The following DEFB123 variants were observed in gnomAD, a reference collection of about 807,000 sequenced individuals.
DEFB123 encodes defensin beta 123.
For synonymous variants in DEFB123, 22 were observed against 28.3 expected (o/e 0.78, Z 0.71); for missense variants, 71 against 75.0 (o/e 0.95, Z 0.20).
intron 1 of DEFB123, among the ~76,000 whole-genome samples, chr20:31,449,302 C>G (rs1321957198): frequency 6.6e-6 from 1 of 151,800 alleles, no homozygotes; most frequent in East Asian, 1.9e-4. Context: ...TTCTTGCATG[C>G]AGCTAAGTTA....
At chr20:31,449,422 C>A (rs1368838141) in intron 1 of DEFB123, among the ~76,000 whole-genome samples, 1 of 152,090 alleles carries the variant, frequency 6.6e-6, no homozygotes, top group Non-Finnish European at 1.5e-5. Context: ...AGGCAATAGC[C>A]TTCCGAGTAC....
At chr20:31,447,009 T>C (rs1222076081) in intron 1 of DEFB123, among the ~76,000 whole-genome samples, 1 of 146,908 alleles carries the variant, frequency 6.8e-6, no homozygotes, top group African/African-American at 2.5e-5. Flanking sequence ...ACACCTGTAA[T>C]CCCAGCACTT....
intron 1 of DEFB123, among the ~76,000 whole-genome samples, chr20:31,442,317 G>A (rs1301501350): frequency 6.6e-6 from 1 of 152,176 alleles, no homozygotes; most frequent in African/African-American, 2.4e-5. Flanking sequence ...TGGTTACAGG[G>A]AAAAGTAACT....
At chr20:31,444,293 A>G (rs1393487020) in intron 1 of DEFB123, among the ~76,000 whole-genome samples, 1 of 149,532 alleles carries the variant, frequency 6.7e-6, no homozygotes, top group Non-Finnish European at 1.5e-5. Flanking sequence ...CTTCCATTAT[A>G]CATCCTCACA....
chr20:31,443,757 T>C (rs1263195621), intron 1 of DEFB123, among the ~76,000 whole-genome samples: 1 of 152,236 alleles, frequency 6.6e-6, no homozygotes, highest in African/African-American at 2.4e-5. Flanking sequence ...CTGCTGCTGC[T>C]GCGGGAGCTG....
In DEFB123 at chr20:31,450,202, T is replaced by C; in HGVS notation, c.*28T>C. The C allele has an allele frequency of 1.3e-6, 2 of 1,585,366 alleles. No homozygotes were observed. The highest frequency in any genetic ancestry group is 1.7e-6 in the Non-Finnish European group (2 of 1,168,910). On this transcript the variant is annotated 3_prime_UTR_variant, in exon 2 of 2. Transcript: ENST00000376309. ...GCTTTGAAGCCTGAAGCCATGAAAA[T>C]GCAGATGAAGCTCCCAGTGGATTCC... is the stretch of plus-strand genomic sequence containing the variant.
At chr20:31,449,767 C>CAAAAAAAAAAAAA (rs59939526) in intron 1 of DEFB123, among the ~76,000 whole-genome samples, 2 of 52,516 alleles carry the variant, frequency 3.8e-5, no homozygotes, top group African/African-American at 5.4e-5. Context: ...AGACTCATCT[C>CAAAAAAAAAAAAA]AAAAAAAAAA....
intron 1 of DEFB123, 45 bp from the exon 2 acceptor site, chr20:31,449,984 C>T (rs1187814379): frequency 2.6e-6 from 4 of 1,535,492 alleles, no homozygotes; most frequent in Non-Finnish European, 3.5e-6. Flanking sequence ...CCGGAGCCTA[C>T]TTGTTAGGAC....
At position 31,450,125 on chromosome 20, in the gene DEFB123, G is replaced by C. The variant is rs369836063; in HGVS notation, c.155G>C (p.Cys52Ser). The C allele has an allele frequency of 6.2e-7, 1 of 1,612,230 alleles. No homozygotes were observed. Among genetic ancestry groups the C allele is most frequent in the Admixed American group, 1.7e-5 (1 of 59,726 alleles). Reference sequence around the variant, plus strand: ...GTTTACTGCATAAATAATAAAATGTGCTGCGTGAAGCCCAAGTACCAGCCA... The same window carrying C: ...GTTTACTGCATAAATAATAAAATGTCCTGCGTGAAGCCCAAGTACCAGCCA... ...VYVYCINNKM[C>S]CVKPKYQPKE... The change falls in exon 2 of 2, where the codon TGC (cysteine) becomes TCC (serine). Residue 52 changes from cysteine (C) to serine (S), a missense_variant. Physicochemically the swap from Cys to Ser is moderately radical, Grantham distance 112. Transcript: ENST00000376309.
chr20:31,447,620 T>C (rs1285727167), intron 1 of DEFB123, among the ~76,000 whole-genome samples: 2 of 151,822 alleles, frequency 1.3e-5, no homozygotes, highest in African/African-American at 4.8e-5. Context: ...GTGTTGGTTT[T>C]TTTTTTTCCT....
intron 1 of DEFB123, among the ~76,000 whole-genome samples, chr20:31,447,228 C>T (rs1254451979): frequency 6.6e-6 from 1 of 151,966 alleles, no homozygotes; most frequent in Non-Finnish European, 1.5e-5. Context: ...CGCCATTGCA[C>T]TCCAGCCTGG....
intron 1 of DEFB123, among the ~76,000 whole-genome samples, chr20:31,448,878 ATTTT>A (rs34804733): frequency 1.7e-5 from 2 of 119,980 alleles, no homozygotes; most frequent in South Asian, 2.7e-4. Context: ...CGCCCAGCTA[ATTTT>A]TTTTTTTTTT....
At chr20:31,442,183 T>G (rs891368629) in intron 1 of DEFB123, among the ~76,000 whole-genome samples, 1 of 152,170 alleles carries the variant, frequency 6.6e-6, no homozygotes, top group African/African-American at 2.4e-5. Flanking sequence ...AACTCAGCAG[T>G]TCAATATTTG....
At chr20:31,448,719 T>A (rs775561402) in intron 1 of DEFB123, among the ~76,000 whole-genome samples, 14 of 151,950 alleles carry the variant, frequency 9.2e-5, no homozygotes, top group African/African-American at 2.2e-4. Flanking sequence ...ATATATATTT[T>A]TTTTTCTTTG....
At chr20:31,441,090 C>T (rs77506508) in intron 1 of DEFB123, among the ~76,000 whole-genome samples, 55 of 152,220 alleles carry the variant, frequency 3.6e-4, no homozygotes, top group Admixed American at 4.6e-4. Context: ...CCAGAATGAA[C>T]GAAGCTTTGT....
At chr20:31,441,749 C>T (rs1173619326) in intron 1 of DEFB123, among the ~76,000 whole-genome samples, 2 of 152,086 alleles carry the variant, frequency 1.3e-5, no homozygotes, top group Admixed American at 6.6e-5. Context: ...AAGCTGACCT[C>T]CGTCCTTGTG....
At chr20:31,441,694 C>A (rs982086380) in intron 1 of DEFB123, among the ~76,000 whole-genome samples, 1 of 152,082 alleles carries the variant, frequency 6.6e-6, no homozygotes, top group South Asian at 2.1e-4. Flanking sequence ...CTAAGGCTGT[C>A]GGCTAACCTT....
intron 1 of DEFB123, 48 bp downstream of exon 1, chr20:31,440,804 C>CCT: frequency 6.2e-7 from 1 of 1,606,428 alleles, no homozygotes. Context: ...AGACTAAGGC[C>CCT]TGGTCAGAGA....
At chr20:31,449,501 T>G (rs147826977) in intron 1 of DEFB123, among the ~76,000 whole-genome samples, 38 of 152,300 alleles carry the variant, frequency 2.5e-4, no homozygotes, top group African/African-American at 6.5e-4. Flanking sequence ...CCCAGACCTG[T>G]GCAATCACTG....
Sources: gnomAD v4.1 joint callset for allele counts (sites outside exome capture counted in the v4.1 genomes callset) on GRCh38, gnomAD v4.1.1 for gene constraint, MANE v1.5 for transcripts, NCBI Gene and HGNC (gene_info 2026-07-23, HGNC 2026-07-21) for gene names.